The following SLC25A48 variants were observed in gnomAD, a reference collection of about 807,000 sequenced individuals.
SLC25A48 encodes CTC-321K16.1.
Under a neutral mutation model 32.2 loss-of-function variants are expected in SLC25A48, and 29 were observed. The observed-to-expected ratio is 0.90, with a 90% CI of 0.67 to 1.23. The LOEUF (loss-of-function observed/expected upper bound fraction) is 1.23, where lower values mean the gene tolerates loss of function less well. SLC25A48 is among the 50% of genes most tolerant of loss of function. The pLI, the probability that SLC25A48 is intolerant of heterozygous loss-of-function variation, is 0.00. For synonymous variants in SLC25A48, 164 were observed against 172.3 expected (o/e 0.95, Z 0.38); for missense variants, 399 against 422.7 (o/e 0.94, Z 0.49).
At chr5:135,600,028 C>A (rs1368400502) in intron 1 of SLC25A48, among the ~76,000 whole-genome samples, 5 of 152,194 alleles carry the variant, frequency 3.3e-5, no homozygotes. Context: ...TTGGCCAACC[C>A]CCTTGGGGCT....
chr5:135,835,242 C>A (rs1758397667), intron 1 of SLC25A48: 1 of 523,390 alleles, frequency 1.9e-6, no homozygotes, highest in Non-Finnish European at 3.7e-6. Context: ...ACCTGAATTG[C>A]GGACGTGGCT....
At chr5:135,836,937 T>G (rs1372797720) in intron 1 of SLC25A48, among the ~76,000 whole-genome samples, 1 of 150,472 alleles carries the variant, frequency 6.6e-6, no homozygotes, top group Non-Finnish European at 1.5e-5. Flanking sequence ...CATAACAAAA[T>G]TTTGCCCTTT....
chr5:135,618,263 G>A (rs971384081), intron 1 of SLC25A48, among the ~76,000 whole-genome samples: 1 of 151,952 alleles, frequency 6.6e-6, no homozygotes, highest in African/African-American at 2.4e-5. Flanking sequence ...TATTTGCATT[G>A]AATATCTTAT....
At chr5:135,707,981 G>A (rs927069544) in intron 3 of SLC25A48, among the ~76,000 whole-genome samples, 2 of 152,110 alleles carry the variant, frequency 1.3e-5, no homozygotes, top group Non-Finnish European at 2.9e-5. Context: ...GGCTAGTTGA[G>A]GCCTCAGTGC....
At chr5:135,661,964 A>G (rs1753409505) in intron 3 of SLC25A48, among the ~76,000 whole-genome samples, 1 of 152,172 alleles carries the variant, frequency 6.6e-6, no homozygotes, top group Non-Finnish European at 1.5e-5. Context: ...GGTGCCTGAG[A>G]GTGGCATCAT....
At chr5:135,676,715 A>G (rs1191968534) in intron 3 of SLC25A48, among the ~76,000 whole-genome samples, 2 of 151,952 alleles carry the variant, frequency 1.3e-5, no homozygotes, top group East Asian at 3.8e-4. Flanking sequence ...TTCCTCCTTG[A>G]AAAAGGGGTT....
rs555633364 is a variant in SLC25A48 at position 135,795,339 on chromosome 5, C to G, written c.-520-17184C>G. Among the ~76,000 whole-genome samples, 245 of 151,868 alleles carry G rather than the reference C, an allele frequency of 1.6e-3. 1 individual carries two copies. Among genetic ancestry groups the G allele is most frequent in the African/African-American group, 5.6e-3 (231 of 41,396 alleles). Reference sequence around the variant, plus strand: ...CAATATCACAAAGGGTTTACACCCCCCATGATATTATTCCTAATATCCATT... The same window carrying G: ...CAATATCACAAAGGGTTTACACCCCGCATGATATTATTCCTAATATCCATT... On this transcript the variant is annotated intron_variant, in intron 3 of 10. Coordinates refer to the SLC25A48 transcript ENST00000646290.
intron 3 of SLC25A48, among the ~76,000 whole-genome samples, chr5:135,645,179 G>A (rs1383367362): frequency 6.6e-6 from 1 of 152,174 alleles, no homozygotes; most frequent in African/African-American, 2.4e-5. Context: ...TTTCCCTTTG[G>A]TTGTTCACTT....
chr5:135,646,119 T>C (rs1407285891), intron 3 of SLC25A48, among the ~76,000 whole-genome samples: 1 of 152,188 alleles, frequency 6.6e-6, no homozygotes, highest in African/African-American at 2.4e-5. Flanking sequence ...TTAGTAAGCT[T>C]CTGAGGATTA....
intron 1 of SLC25A48, among the ~76,000 whole-genome samples, chr5:135,596,523 CTT>C (rs1751654869): frequency 6.6e-6 from 1 of 152,186 alleles, no homozygotes. Flanking sequence ...TCTTGACTCT[CTT>C]CTCTTCACTT....
At chr5:135,793,806 C>T (rs1297692312) in intron 3 of SLC25A48, among the ~76,000 whole-genome samples, 2 of 151,188 alleles carry the variant, frequency 1.3e-5, no homozygotes, top group Non-Finnish European at 2.9e-5. Flanking sequence ...CCTAATATCA[C>T]AGTAGGTTTA....
At chr5:135,770,864 T>C (rs986882545) in intron 3 of SLC25A48, among the ~76,000 whole-genome samples, 9 of 151,852 alleles carry the variant, frequency 5.9e-5, no homozygotes, top group Non-Finnish European at 1.0e-4. Flanking sequence ...ACTCCCAATA[T>C]TGCAGGGGGT....
chr5:135,769,723 G>C (rs1252074646), intron 3 of SLC25A48, among the ~76,000 whole-genome samples: 1 of 73,050 alleles, frequency 1.4e-5, no homozygotes, highest in East Asian at 6.6e-4. Context: ...GGGAGAGGAT[G>C]ATGTTACTCC....
intron 2 of SLC25A48, among the ~76,000 whole-genome samples, chr5:135,633,012 C>G (rs1752612675): frequency 6.6e-6 from 1 of 152,170 alleles, no homozygotes; most frequent in Non-Finnish European, 1.5e-5. Flanking sequence ...TCTGTTGTGA[C>G]AAATGGCAGT....
At chr5:135,864,691 G>T (rs1302793242) in intron 4 of SLC25A48, among the ~76,000 whole-genome samples, 1 of 152,212 alleles carries the variant, frequency 6.6e-6, no homozygotes, top group Non-Finnish European at 1.5e-5. Context: ...GGTTTGACTA[G>T]TTTGAACCCT....
At position 135,779,751 on chromosome 5, in the gene SLC25A48, C is replaced by A. The variant is rs1480048169; in HGVS notation, c.-520-32772C>A. ...ATCCCAATATCTCAGGGGTTCTACACCCCCTTTGTAATACTGGTCTTAATA... is the reference window on the plus strand; with the variant it reads ...ATCCCAATATCTCAGGGGTTCTACAACCCCTTTGTAATACTGGTCTTAATA... On this transcript the variant is annotated intron_variant, in intron 3 of 10. Coordinates refer to the SLC25A48 transcript ENST00000646290. Among the ~76,000 whole-genome samples the A allele has an allele frequency of 1.7e-5, 2 of 117,450 alleles. 1 individual carries two copies. Among genetic ancestry groups the A allele is most frequent in the East Asian group, 4.3e-4 (2 of 4,666 alleles). The allele number at this position is 117,450 out of a possible 152,430, so 77.1% of individuals were successfully genotyped here. A position where few individuals can be genotyped will look rare whatever the true frequency, so the allele number is the denominator to read the frequency against.
At chr5:135,709,169 C>G (rs901633157) in intron 3 of SLC25A48, among the ~76,000 whole-genome samples, 1 of 152,192 alleles carries the variant, frequency 6.6e-6, no homozygotes. Context: ...CCCAAGGTAT[C>G]CAGCCCCTGA....
At chr5:135,596,072 G>C (rs1751642937) in intron 1 of SLC25A48, among the ~76,000 whole-genome samples, 2 of 152,062 alleles carry the variant, frequency 1.3e-5, no homozygotes, top group African/African-American at 4.8e-5. Context: ...CTGAGGCTAG[G>C]GCTGAAAAAC....
intron 3 of SLC25A48, among the ~76,000 whole-genome samples, chr5:135,786,917 C>A (rs1358461017): frequency 6.6e-6 from 1 of 151,808 alleles, no homozygotes; most frequent in African/African-American, 2.4e-5. Context: ...GTGTGTACAT[C>A]CTGTGATATT....
Sources: allele counts gnomAD v4.1 joint callset (sites outside exome capture counted in the v4.1 genomes callset), GRCh38; gene constraint gnomAD v4.1.1; transcripts MANE v1.5; gene names NCBI Gene and HGNC (gene_info 2026-07-23, HGNC 2026-07-21).